The following TBC1D2 variants were observed in gnomAD, a reference collection of about 807,000 sequenced individuals.
The protein encoded by TBC1D2 is TBC1 domain family member 2A.
In TBC1D2, 58 loss-of-function variants were observed where a neutral mutation model predicts 91.1. That is an observed-to-expected ratio of 0.64 (90% CI 0.52 to 0.79). The LOEUF is 0.79. Ranked by LOEUF, TBC1D2 falls within the 30% of genes least tolerant of loss-of-function variation. TBC1D2 has a pLI of 0.00. For missense variants in TBC1D2, 1,080 were observed against 1,208.3 expected, an observed-to-expected ratio of 0.89 and a Z score of 1.57; for synonymous variants, 482 against 511.5, an observed-to-expected ratio of 0.94 and a Z score of 0.78.
In TBC1D2 at chr9:98,233,429, G is replaced by C; in HGVS notation, c.768C>G (p.Asp256Glu). 6.2e-7 allele frequency: 1 copy of C among 1,613,924 alleles called. No individual in the cohort carries two copies. The highest frequency in any genetic ancestry group is 8.5e-7 in the Non-Finnish European group (1 of 1,179,898). The change falls in exon 4 of 13, where the codon GAC becomes GAG. Residue 256 changes from aspartate to glutamate, a missense_variant. Coordinates refer to ENST00000465784, the MANE Select transcript of TBC1D2 (RefSeq NM_001267571.2). Reference sequence around the variant, plus strand: ...ACAGAGGCTCACCTGGGGTGCTGGCGTCAGAGGCCAAGGGCTGCTCCTCCC... The same window carrying C: ...ACAGAGGCTCACCTGGGGTGCTGGCCTCAGAGGCCAAGGGCTGCTCCTCCC... ...PQREEQPLAS[D>E]ASTPGREPED...
At chr9:98,241,954 T>C (rs1156601072) in intron 3 of TBC1D2, among the ~76,000 whole-genome samples, 2 of 152,172 alleles carry the variant, frequency 1.3e-5, no homozygotes, top group Non-Finnish European at 2.9e-5. Flanking sequence ...TCATTGTCTT[T>C]TCCCTAAAAC....
intron 1 of TBC1D2, among the ~76,000 whole-genome samples, chr9:98,254,309 C>T (rs1829929903): frequency 2.0e-5 from 3 of 152,138 alleles, no homozygotes; most frequent in African/African-American, 7.2e-5. Flanking sequence ...ACCTTGGTTC[C>T]ATCACCTTGT....
intron 5 of TBC1D2, among the ~76,000 whole-genome samples, chr9:98,223,292 T>C (rs932163054): frequency 9.2e-5 from 14 of 152,118 alleles, no homozygotes; most frequent in Non-Finnish European, 1.5e-5. Flanking sequence ...GCCCTCCAGA[T>C]GTGGCCAAGC....
At chr9:98,237,367 G>A (rs1829530765) in intron 3 of TBC1D2, among the ~76,000 whole-genome samples, 1 of 151,186 alleles carries the variant, frequency 6.6e-6, no homozygotes, top group South Asian at 2.1e-4. Flanking sequence ...AGAAAAAAAA[G>A]AAAGTCAGGC....
At chr9:98,209,757 TTCCTTCC>T (rs1304308353) in intron 8 of TBC1D2, among the ~76,000 whole-genome samples, 1 of 8,028 alleles carries the variant, frequency 1.2e-4, no homozygotes, top group Admixed American at 1.1e-3. Flanking sequence ...CTTCCTTCCT[TTCCTTCC>T]TTCCTTCCTT....
At chr9:98,244,588 G>C (rs1316851659) in intron 2 of TBC1D2, among the ~76,000 whole-genome samples, 2 of 150,960 alleles carry the variant, frequency 1.3e-5, no homozygotes, top group Non-Finnish European at 2.9e-5. Context: ...GAACCTGGGT[G>C]GCGGAGGTTG....
At position 98,255,639 on chromosome 9, in the gene TBC1D2, T is replaced by G; in HGVS notation, c.-98A>C. 2 of 1,350,412 alleles carry G rather than the reference T, an allele frequency of 1.5e-6. No individual in the cohort carries two copies. Among genetic ancestry groups the G allele is most frequent in the Non-Finnish European group, 1.9e-6 (2 of 1,050,876 alleles). 83.7% of individuals were successfully genotyped at this position (1,350,412 alleles called of 1,614,324 possible). ...GGGCAGCTTCCCAAAGGGAGACACC[T>G]GGGCGGGGGCGGGGCCGACGGCGAA... On this transcript the variant is annotated 5_prime_UTR_variant, in exon 1 of 13. Coordinates refer to ENST00000465784, the MANE Select transcript of TBC1D2 (RefSeq NM_001267571.2).
In TBC1D2 at chr9:98,228,554, A is replaced by G. The variant is rs1264504173; in HGVS notation, c.978+398T>C. 6.6e-6 allele frequency among the ~76,000 whole-genome samples: 1 copy of G among 152,154 alleles called. No individual in the cohort carries two copies. Among genetic ancestry groups the G allele is most frequent in the African/African-American group, 2.4e-5 (1 of 41,442 alleles). On this transcript the variant is annotated intron_variant, in intron 5 of 12. Transcript: ENST00000465784. The surrounding 1 kb of genome is among the most constrained non-coding windows in gnomAD (Gnocchi z 4.0). ...ACAGTCTTGTGACGGTCATTCAGAT[A>G]TCTGTGCCCAGATATCGGCTGCCAG...
In TBC1D2 at chr9:98,220,865, G is replaced by C; in HGVS notation, c.1342C>G (p.Leu448Val). ...LRPDAANRDFLSQQGKIEHLK... is the reference protein window; with the variant it reads ...LRPDAANRDFVSQQGKIEHLK... ...TGCTCTATCTTCCCCTGCTGGCTCAGGAAGTCCCTGTTGGCAGCGTCGGGG... is the reference window on the plus strand; with the variant it reads ...TGCTCTATCTTCCCCTGCTGGCTCACGAAGTCCCTGTTGGCAGCGTCGGGG... Residue 448 changes from leucine to valine, a missense_variant, in exon 6 of 13, where the codon CTG (leucine) becomes GTG (valine). By Grantham distance (32) the Leu-to-Val change is conservative (BLOSUM62 1). Coordinates refer to ENST00000465784, the MANE Select transcript of TBC1D2 (RefSeq NM_001267571.2). The C allele has an allele frequency of 6.2e-7, 1 of 1,614,176 alleles. No homozygotes were observed. Among genetic ancestry groups the C allele is most frequent in the Non-Finnish European group, 8.5e-7 (1 of 1,180,012 alleles).
At chr9:98,251,184 C>T (rs1038772782) in intron 2 of TBC1D2, among the ~76,000 whole-genome samples, 5 of 151,848 alleles carry the variant, frequency 3.3e-5, no homozygotes, top group East Asian at 1.9e-4. Flanking sequence ...GAGGCTGCCT[C>T]GGGAGGCTGA....
chr9:98,208,618 T>C, intron 9 of TBC1D2, 50 bp downstream of exon 9: 1 of 1,499,020 alleles, frequency 6.7e-7, no homozygotes, highest in Non-Finnish European at 8.9e-7. Flanking sequence ...GTTGGGGACC[T>C]GCGCTCCAAA....
rs374539701 is a variant in TBC1D2 at position 98,201,655 on chromosome 9, G to A, written c.2281C>T (p.Arg761Trp). 48 of 1,610,930 alleles carry A rather than the reference G, an allele frequency of 3.0e-5. No homozygotes were observed. The highest frequency in any genetic ancestry group is 6.7e-5 in the East Asian group (3 of 44,818). ...TCCGAGAGCAGGTCCTGGAGCACCC[G>A]CTGGTCCACCTGGAAGCCAGCGAGA... ...NTLTASQVDQ[R>W]VLQDLLSEKL... Residue 761 changes from arginine (R) to tryptophan (W), a missense_variant, in exon 11 of 13, where the codon CGG (arginine) becomes TGG (tryptophan). Coordinates refer to ENST00000465784, the MANE Select transcript of TBC1D2 (RefSeq NM_001267571.2).
chr9:98,216,023 T>C (rs1828960873), intron 6 of TBC1D2, among the ~76,000 whole-genome samples: 1 of 152,234 alleles, frequency 6.6e-6, no homozygotes, highest in Non-Finnish European at 1.5e-5. Context: ...GTTGGCCATG[T>C]ACCGGCACCG....
intron 1 of TBC1D2, 126 bp from the exon 2 acceptor site, chr9:98,252,052 C>T (rs1829885319): frequency 1.6e-6 from 2 of 1,252,228 alleles, no homozygotes; most frequent in African/African-American, 3.1e-5. Flanking sequence ...AAGGGGGTCA[C>T]TGTAGGTATG....
rs1282284604 is a variant in TBC1D2 at position 98,210,706 on chromosome 9, C to G, written c.1623G>C (p.Gln541His). The change falls in exon 8 of 13, where the codon CAG (glutamine) becomes CAC (histidine). Residue 541 changes from glutamine to histidine, a missense_variant. Transcript: ENST00000465784. ...CAGATGAGGCCTCCCCAGCTTCCCACTGCAGTGCCTCCTGGACAAGCTGCC... is the reference window on the plus strand; with the variant it reads ...CAGATGAGGCCTCCCCAGCTTCCCAGTGCAGTGCCTCCTGGACAAGCTGCC... Reference protein sequence around the residue: ...LLRQLVQEALQWEAGEASSDS... With the variant: ...LLRQLVQEALHWEAGEASSDS... 6.2e-7 allele frequency: 1 copy of G among 1,602,274 alleles called. No homozygotes were observed. The highest frequency in any genetic ancestry group is 1.7e-5 in the Admixed American group (1 of 58,966).
chr9:98,216,966 G>A (rs1004825092), intron 6 of TBC1D2, among the ~76,000 whole-genome samples: 4 of 152,184 alleles, frequency 2.6e-5, no homozygotes, highest in African/African-American at 7.2e-5. Context: ...GCCTCTCAAA[G>A]CACTGGATTG....
At chr9:98,216,013 G>A (rs1320118154) in intron 6 of TBC1D2, among the ~76,000 whole-genome samples, 2 of 152,196 alleles carry the variant, frequency 1.3e-5, no homozygotes, top group East Asian at 3.9e-4. Context: ...AGACGCTGGA[G>A]TTGGCCATGT....
At chr9:98,242,179 C>T (rs553980906) in intron 3 of TBC1D2, among the ~76,000 whole-genome samples, 15 of 152,138 alleles carry the variant, frequency 9.9e-5, no homozygotes, top group African/African-American at 2.7e-4. Context: ...TGGTGGCTCA[C>T]GTCTGTAATC....
At chr9:98,233,600 CCCTTCTGT>C (rs756097685) in intron 3 of TBC1D2, 51 bp from the exon 4 acceptor site, 12 of 1,596,284 alleles carry the variant, frequency 7.5e-6, no homozygotes, top group Admixed American at 1.7e-5. Flanking sequence ...TGCCTTTCTG[CCCTTCTGT>C]CCTTCCCGCC....
Sources: gnomAD v4.1 joint callset for allele counts (sites outside exome capture counted in the v4.1 genomes callset) on GRCh38, gnomAD v4.1.1 for gene constraint, Gnocchi (gnomAD v3.1) non-coding constraint, MANE v1.5 for transcripts, NCBI Gene and HGNC (gene_info 2026-07-23, HGNC 2026-07-21) for gene names.